The following SPECC1 variants were observed in gnomAD, a reference collection of about 807,000 sequenced individuals.
SPECC1 encodes cytospin-B.
A neutral mutation model predicts 104.1 loss-of-function variants in SPECC1; 62 were observed. The ratio of observed to expected loss-of-function variants is 0.60; its 90% CI spans 0.49 to 0.74. The LOEUF is 0.74. SPECC1 is among the 30% of genes least tolerant of loss of function. The probability of loss-of-function intolerance (pLI) is 0.00; values close to 1 mark genes in which losing one functional copy is unlikely to be tolerated. For missense variants in SPECC1, 1,306 were observed against 1,310.5 expected, an observed-to-expected ratio of 1.00 and a Z score of 0.05; for synonymous variants, 513 against 501.6, an observed-to-expected ratio of 1.02 and a Z score of -0.30.
rs991355310 is a variant in SPECC1, at chr17:20,246,173, C to G, written c.2497+102C>G. 2.8e-6 allele frequency: 4 copies of G among 1,430,568 alleles called. No individual in the cohort carries two copies. In the African/African-American group the frequency reaches 5.6e-5, roughly 20 times the overall value. The allele number at this position is 1,430,568 out of a possible 1,614,324, so 88.6% of individuals were successfully genotyped here. On this transcript the variant is annotated intron_variant, in intron 8 of 14. Transcript: ENST00000395527. ...ACTCCACCCTGGCCCTGTGTTGTTACAACCACAAGGGCGCTTTCCAGGTCC... is the reference window on the plus strand; with the variant it reads ...ACTCCACCCTGGCCCTGTGTTGTTAGAACCACAAGGGCGCTTTCCAGGTCC...
chr17:20,040,090 A>T (rs955368715), intron 1 of SPECC1, among the ~76,000 whole-genome samples: 2 of 151,614 alleles, frequency 1.3e-5, no homozygotes, highest in Non-Finnish European at 2.9e-5. Context: ...ATTTATCTAA[A>T]TTGTTTTTGG....
chr17:20,305,947 T>A lies in SPECC1; in HGVS notation c.3058-76T>A, dbSNP rs888649068. On this transcript the variant is annotated intron_variant, in intron 13 of 14. Transcript: ENST00000395527. ...ATAGTGAATAATCTATATGGGAATA[T>A]CAGTTGATATTCTTTCCTGGCAAAA... 29 of 1,256,002 alleles carry A rather than the reference T, an allele frequency of 2.3e-5. No individual in the cohort carries two copies. In the Admixed American group the frequency reaches 2.5e-4, roughly 11 times the overall value. 77.8% of individuals were successfully genotyped at this position (1,256,002 alleles called of 1,614,324 possible).
At chr17:20,313,873 G>A (rs2041994829) in intron 14 of SPECC1, 103 bp from the exon 15 acceptor site, 2 of 1,029,936 alleles carry the variant, frequency 1.9e-6, no homozygotes, top group Non-Finnish European at 3.0e-6. Flanking sequence ...GTAAGTGGAG[G>A]GTTTCCAGGC....
chr17:20,047,917 T>C (rs747635163), intron 1 of SPECC1, among the ~76,000 whole-genome samples: 5 of 152,150 alleles, frequency 3.3e-5, no homozygotes, highest in Non-Finnish European at 7.4e-5. Flanking sequence ...GAATGTCCGC[T>C]TTCACTGACT....
At chr17:20,110,322 C>G in intron 2 of SPECC1, 105 bp from the exon 3 acceptor site, 2 of 1,372,802 alleles carry the variant, frequency 1.5e-6, no homozygotes, top group South Asian at 2.9e-5. Flanking sequence ...GTTATTGTAT[C>G]TTGACTGCTG....
rs1207710181 is a variant in SPECC1, at chr17:20,035,218, T to TTC, written c.-22+25796_-22+25797dup. Among the ~76,000 whole-genome samples, 10 of 152,346 alleles carry TTC rather than the reference T, an allele frequency of 6.6e-5. No individual in the cohort carries two copies. The East Asian group carries it at 1.7e-3, about 26-fold the overall frequency. On this transcript the variant is annotated intron_variant, in intron 1 of 14. Transcript: ENST00000395527. Reference sequence around the variant, plus strand: ...TAAGTCTTGAAACTGGATAGACTGATTCTTCCCACTTTATTTTTCTTTTTC... The same window carrying TTC: ...TAAGTCTTGAAACTGGATAGACTGATTCTCTTCCCACTTTATTTTTCTTTTTC...
At chr17:20,228,912 T>C (rs754397633) in intron 5 of SPECC1, among the ~76,000 whole-genome samples, 3 of 152,254 alleles carry the variant, frequency 2.0e-5, no homozygotes, top group Non-Finnish European at 4.4e-5. Context: ...TAAGAATAGC[T>C]TGGTCAGTTG....
At chr17:20,162,816 T>G (rs1232449280) in intron 3 of SPECC1, among the ~76,000 whole-genome samples, 1 of 152,142 alleles carries the variant, frequency 6.6e-6, no homozygotes, top group Non-Finnish European at 1.5e-5. Flanking sequence ...TCACCCGAAG[T>G]TGGGAGTTCG....
intron 9 of SPECC1, 85 bp downstream of exon 9, chr17:20,247,404 G>A (rs1598080327): frequency 1.2e-6 from 1 of 826,402 alleles, no homozygotes. Flanking sequence ...TAGTGTCCGT[G>A]TGTGTATGTG....
At chr17:20,013,538 A>G (rs1203406714) in intron 1 of SPECC1, among the ~76,000 whole-genome samples, 5 of 152,048 alleles carry the variant, frequency 3.3e-5, no homozygotes, top group African/African-American at 7.2e-5. Flanking sequence ...GTCTTGCTCT[A>G]TCGTCCAGGC....
At chr17:20,021,385 T>C (rs1253814900) in intron 1 of SPECC1, among the ~76,000 whole-genome samples, 3 of 152,102 alleles carry the variant, frequency 2.0e-5, no homozygotes, top group East Asian at 3.9e-4. Flanking sequence ...CTCTGTTACT[T>C]GGTGATTCTG....
chr17:20,190,022 A>G (rs946204354), intron 3 of SPECC1, among the ~76,000 whole-genome samples: 7 of 151,974 alleles, frequency 4.6e-5, no homozygotes, highest in Non-Finnish European at 1.0e-4. Context: ...GACAATTTCT[A>G]TTGACTTTTA....
At chr17:20,209,231 C>T (rs991537622) in intron 4 of SPECC1, among the ~76,000 whole-genome samples, 1 of 152,122 alleles carries the variant, frequency 6.6e-6, no homozygotes, top group African/African-American at 2.4e-5. Flanking sequence ...GAGTAACTGT[C>T]CTGTTGAGCA....
chr17:20,131,016 G>A (rs2049591859), intron 3 of SPECC1, among the ~76,000 whole-genome samples: 1 of 152,142 alleles, frequency 6.6e-6, no homozygotes, highest in Non-Finnish European at 1.5e-5. Context: ...TAATTTTGGT[G>A]TTTGTGTGTT....
chr17:20,049,130 C>A (rs139558274), intron 1 of SPECC1, among the ~76,000 whole-genome samples: 4 of 152,152 alleles, frequency 2.6e-5, no homozygotes, highest in Non-Finnish European at 4.4e-5. Flanking sequence ...ATTTGATAGA[C>A]GCTGCCAGAT....
At chr17:20,068,594 T>C (rs991822224) in intron 1 of SPECC1, among the ~76,000 whole-genome samples, 2 of 152,184 alleles carry the variant, frequency 1.3e-5, no homozygotes, top group Non-Finnish European at 2.9e-5. Context: ...CTTTTTCACA[T>C]TTACGTAGGC....
chr17:20,298,921 AAG>A (rs370856374), intron 13 of SPECC1, among the ~76,000 whole-genome samples: 5,845 of 72,740 alleles, frequency 0.08, 328 homozygotes, highest in Non-Finnish European at 0.1. Flanking sequence ...GCAGAACCAA[AAG>A]AGAGAGAGAG....
chr17:20,290,091 G>A (rs1269670448), intron 12 of SPECC1, among the ~76,000 whole-genome samples: 1 of 151,820 alleles, frequency 6.6e-6, no homozygotes, highest in Non-Finnish European at 1.5e-5. Context: ...ATTCAAATAC[G>A]GCCGAGCCCC....
intron 1 of SPECC1, among the ~76,000 whole-genome samples, chr17:20,038,763 A>G (rs941438657): frequency 1.3e-5 from 2 of 152,230 alleles, no homozygotes; most frequent in East Asian, 1.9e-4. Flanking sequence ...AACAATAAAA[A>G]TGAATATCAG....
Sources: allele counts gnomAD v4.1 joint callset (sites outside exome capture counted in the v4.1 genomes callset), GRCh38; gene constraint gnomAD v4.1.1; transcripts MANE v1.5; gene names NCBI Gene and HGNC (gene_info 2026-07-23, HGNC 2026-07-21).